SLC1A1: variants seen among roughly 807,000 people sequenced by gnomAD.
SLC1A1 encodes solute carrier family 1 member 1, also known as excitatory amino acid transporter 3.
A neutral mutation model predicts 53.3 loss-of-function variants in SLC1A1; 43 were observed. That is an observed-to-expected ratio of 0.81 (90% CI 0.63 to 1.04). The LOEUF (loss-of-function observed/expected upper bound fraction) is 1.04. SLC1A1 is among the 50% of genes least tolerant of loss of function. The pLI is 0.00. For missense variants in SLC1A1, 748 were observed against 664.9 expected (o/e 1.12, Z -1.37); for synonymous variants, 307 against 243.2 (o/e 1.26, Z -2.44).
chr9:4,496,181 C>G (rs1259957051), intron 1 of SLC1A1, among the ~76,000 whole-genome samples: 3 of 151,986 alleles, frequency 2.0e-5, no homozygotes, highest in Non-Finnish European at 2.9e-5. Context: ...ACAGGAGAAA[C>G]CGGACGTGGT....
At chr9:4,507,059 C>G (rs1379793278) in intron 1 of SLC1A1, among the ~76,000 whole-genome samples, 1 of 151,976 alleles carries the variant, frequency 6.6e-6, no homozygotes, top group Non-Finnish European at 1.5e-5. Context: ...GTGAAACCCC[C>G]TCTCTATTAA....
intron 1 of SLC1A1, among the ~76,000 whole-genome samples, chr9:4,495,174 G>C (rs1299179484): frequency 6.6e-6 from 1 of 152,192 alleles, no homozygotes; most frequent in South Asian, 2.1e-4. Context: ...CGCTTTGTCT[G>C]TGAAGCCCCT....
intron 11 of SLC1A1, 81 bp from the exon 12 acceptor site, chr9:4,585,231 A>G: frequency 6.4e-7 from 1 of 1,573,492 alleles, no homozygotes; most frequent in Non-Finnish European, 8.7e-7. Context: ...TAAACTGAAC[A>G]TGTCAGGTCC....
At chr9:4,581,969 G>A (rs1821138029) in intron 10 of SLC1A1, among the ~76,000 whole-genome samples, 1 of 152,152 alleles carries the variant, frequency 6.6e-6, no homozygotes, top group African/African-American at 2.4e-5. Context: ...GATAGAATCA[G>A]GGATTCTTCC....
intron 2 of SLC1A1, among the ~76,000 whole-genome samples, chr9:4,547,198 G>C (rs962655701): frequency 2.8e-4 from 42 of 152,214 alleles, no homozygotes; most frequent in Admixed American, 1.5e-3. Flanking sequence ...ACTTCCTCTA[G>C]TGAGATTTTT....
At chr9:4,505,966 G>GGC (rs1820794811) in intron 1 of SLC1A1, among the ~76,000 whole-genome samples, 2 of 152,186 alleles carry the variant, frequency 1.3e-5, no homozygotes, top group African/African-American at 4.8e-5. Flanking sequence ...TGGGATTACA[G>GGC]GTGCCCACCA....
intron 1 of SLC1A1, among the ~76,000 whole-genome samples, chr9:4,525,880 G>C (rs772014124): frequency 6.6e-6 from 1 of 152,010 alleles, no homozygotes; most frequent in Non-Finnish European, 1.5e-5. Context: ...AGAATTTACA[G>C]TTCAAAGAAA....
At position 4,583,568 on chromosome 9, in the gene SLC1A1, C is replaced by T. The variant is rs923778845; in HGVS notation, c.1328+396C>T. ...TCAGTCCGTCTTCCTAAGCATCTTC[C>T]GAACCATCAGGGACAGTGGCACAAG... On this transcript the variant is annotated intron_variant, in intron 11 of 11. Coordinates refer to ENST00000262352, the MANE Select transcript of SLC1A1 (RefSeq NM_004170.6). The surrounding 1 kb of genome is among the most constrained non-coding windows in gnomAD (Gnocchi z 4.6). Among the ~76,000 whole-genome samples, 6 of 152,122 alleles carry T rather than the reference C, an allele frequency of 3.9e-5. No individual in the cohort carries two copies. Among genetic ancestry groups the T allele is most frequent in the Admixed American group, 2.6e-4 (4 of 15,274 alleles).
intron 10 of SLC1A1, among the ~76,000 whole-genome samples, chr9:4,579,886 A>C (rs1820894241): frequency 6.6e-6 from 1 of 152,072 alleles, no homozygotes; most frequent in Non-Finnish European, 1.5e-5. Context: ...TTGTGTGAGA[A>C]TATGTGTCAA....
intron 1 of SLC1A1, among the ~76,000 whole-genome samples, chr9:4,526,450 G>C (rs539675488): frequency 6.6e-5 from 10 of 152,276 alleles, no homozygotes; most frequent in Admixed American, 5.9e-4. Flanking sequence ...GACGTGAGTA[G>C]TAGATGTATA....
chr9:4,507,034 A>T (rs1293918303), intron 1 of SLC1A1, among the ~76,000 whole-genome samples: 6 of 152,206 alleles, frequency 3.9e-5, no homozygotes, highest in Non-Finnish European at 8.8e-5. Flanking sequence ...AATGGAGACC[A>T]TCCTGGATAA....
chr9:4,491,943 G>C (rs370426404), intron 1 of SLC1A1, among the ~76,000 whole-genome samples: 20 of 152,320 alleles, frequency 1.3e-4, no homozygotes, highest in East Asian at 9.6e-4. Context: ...GGTGGGGATA[G>C]GGCATGGAAA....
At chr9:4,554,246 G>C (rs1818178094) in intron 2 of SLC1A1, 1 of 152,244 alleles carries the variant, frequency 6.6e-6, no homozygotes, top group South Asian at 2.1e-4. Flanking sequence ...CTGGGAGAGG[G>C]ATCCAGGGCA....
At chr9:4,497,123 T>TC (rs1554673784) in intron 1 of SLC1A1, among the ~76,000 whole-genome samples, 1 of 151,658 alleles carries the variant, frequency 6.6e-6, no homozygotes, top group Non-Finnish European at 1.5e-5. Flanking sequence ...CGGGTGGTTT[T>TC]AAAAAACAGA....
intron 2 of SLC1A1, 127 bp downstream of exon 2, chr9:4,544,834 G>GTC: frequency 1.2e-6 from 1 of 825,894 alleles, no homozygotes; most frequent in Non-Finnish European, 1.9e-6. Context: ...TGGCTCAGAA[G>GTC]GTCTCAGGAA....
chr9:4,573,885 C>T (rs778462055), intron 7 of SLC1A1, 22 bp from the exon 8 acceptor site: 88 of 1,505,162 alleles, frequency 5.8e-5, no homozygotes, highest in Non-Finnish European at 8.0e-5. Context: ...GGAATCACGC[C>T]TCTGTTGTGC....
chr9:4,578,430 G>C (rs1820761905), intron 10 of SLC1A1, among the ~76,000 whole-genome samples: 2 of 152,172 alleles, frequency 1.3e-5, no homozygotes, highest in Non-Finnish European at 2.9e-5. Context: ...TGGATGACAT[G>C]ACGTAGGGAG....
At chr9:4,508,748 G>C (rs928602324) in intron 1 of SLC1A1, among the ~76,000 whole-genome samples, 7 of 152,178 alleles carry the variant, frequency 4.6e-5, no homozygotes, top group African/African-American at 1.7e-4. Flanking sequence ...AATCAGGTTT[G>C]ATGAGCAAAG....
intron 1 of SLC1A1, among the ~76,000 whole-genome samples, chr9:4,535,351 C>T (rs1816634799): frequency 6.6e-6 from 1 of 152,180 alleles, no homozygotes; most frequent in African/African-American, 2.4e-5. Context: ...TAGGCAACTT[C>T]AGCAAAGTCT....
Sources: gnomAD v4.1 joint callset for allele counts (sites outside exome capture counted in the v4.1 genomes callset) on GRCh38, gnomAD v4.1.1 for gene constraint, Gnocchi (gnomAD v3.1) non-coding constraint, MANE v1.5 for transcripts, NCBI Gene and HGNC (gene_info 2026-07-23, HGNC 2026-07-21) for gene names.